CEP250: variants seen among roughly 807,000 people sequenced by gnomAD.
The protein encoded by CEP250 is centrosomal protein 250, also known as centrosome-associated protein CEP250.
CEP250 carries 242 observed loss-of-function variants against 315.7 expected under a neutral mutation model. The observed-to-expected ratio is 0.77, with a 90% confidence interval of 0.69 to 0.85. CEP250 has a LOEUF of 0.85. Among genes scored for constraint, CEP250 ranks in the 40% least tolerant of loss-of-function variants. CEP250 has a pLI of 0.00. For missense variants in CEP250, 2,515 were observed against 2,886.4 expected, an observed-to-expected ratio of 0.87 and a Z score of 2.95; for synonymous variants, 1,088 against 1,175.0, an observed-to-expected ratio of 0.93 and a Z score of 1.51.
chr20:35,498,501 G>A, intron 26 of CEP250, 94 bp from the exon 27 acceptor site: 1 of 1,467,658 alleles, frequency 6.8e-7, no homozygotes, highest in Non-Finnish European at 9.2e-7. Flanking sequence ...CGGAGAGGAG[G>A]GACCAGTTGG....
At chr20:35,465,420 CAAAAAA>C (rs80078387) in intron 5 of CEP250, among the ~76,000 whole-genome samples, 7 of 59,088 alleles carry the variant, frequency 1.2e-4, no homozygotes, top group African/African-American at 3.6e-4. Context: ...ACTCTGTCTC[CAAAAAA>C]AAAAAAAAAA....
intron 22 of CEP250, 118 bp from the exon 23 acceptor site, chr20:35,493,311 T>G: frequency 1.1e-6 from 1 of 935,256 alleles, no homozygotes; most frequent in East Asian, 2.9e-5. Context: ...AGTGAGAAGG[T>G]GAGGTGGAAA....
rs2062914380 is a variant in CEP250, at chr20:35,467,478, G to A, written c.774G>A (p.Lys258=). 1 of 1,614,070 alleles carries A rather than the reference G, an allele frequency of 6.2e-7. No homozygotes were observed. Among genetic ancestry groups the A allele is most frequent in the African/African-American group, 1.3e-5 (1 of 74,920 alleles). Residue 258 remains lysine (K), a synonymous_variant, in exon 9 of 35, where the codon AAG becomes AAA. Coordinates refer to ENST00000397527, the MANE Select transcript of CEP250 (RefSeq NM_007186.6). The part of the protein sequence containing the change: ...LLLAKTQELE[K]EAHERSQELI... ...TAGCCAAGACCCAGGAGCTGGAGAA[G>A]GAAGCCCATGAAAGGAGCCAGGAGT...
Position 35,494,734 on chromosome 20 carries a change from T to C in CEP250, c.3167+77T>C, listed in dbSNP as rs557948646. Reference sequence around the variant, plus strand: ...CACTGTGATATTGACAGTTGTTTGCTCAGGCCACCTTGCCTTTCATGTCTG... The same window carrying C: ...CACTGTGATATTGACAGTTGTTTGCCCAGGCCACCTTGCCTTTCATGTCTG... On this transcript the variant is annotated intron_variant, in intron 24 of 34. Transcript: ENST00000397527. The C allele has an allele frequency of 5.4e-5, 84 of 1,543,972 alleles. 2 individuals carry two copies. In the South Asian group the frequency reaches 9.5e-4, roughly 18 times the overall value.
In CEP250 at chr20:35,504,732, C is replaced by T. The variant is rs1238491390; in HGVS notation, c.6363C>T (p.Asn2121=). 3.7e-6 allele frequency: 6 copies of T among 1,614,192 alleles called. No individual in the cohort carries two copies. The highest frequency in any genetic ancestry group is 3.4e-6 in the Non-Finnish European group (4 of 1,180,030). Residue 2121 remains asparagine, a synonymous_variant, in exon 30 of 35, where the codon AAC becomes AAT. Coordinates refer to ENST00000397527, the MANE Select transcript of CEP250 (RefSeq NM_007186.6). ...TGAGGGAGACCCAGCAAAGGAACAACCTGGAAGCCTTACCCCACAGCCACA... is the reference window on the plus strand; with the variant it reads ...TGAGGGAGACCCAGCAAAGGAACAATCTGGAAGCCTTACCCCACAGCCACA... ...LELRETQQRN[N]LEALPHSHKT...
chr20:35,509,553 C>A lies in CEP250; in HGVS notation c.7009-445C>A, dbSNP rs192976573. On this transcript the variant is annotated intron_variant, in intron 33 of 34. Transcript: ENST00000397527. The stretch of plus-strand genomic sequence containing the variant: ...CGTCTAGGTGAGGTATCCCTGCCAA[C>A]AGACACAGGCTTGCAGCCTGACAGG... 4.6e-5 allele frequency among the ~76,000 whole-genome samples: 7 copies of A among 152,344 alleles called. No homozygotes were observed. In the East Asian group the frequency reaches 1.4e-3, roughly 29 times the overall value.
At chr20:35,479,875 G>C in intron 19 of CEP250, 101 bp from the exon 20 acceptor site, 1 of 1,595,972 alleles carries the variant, frequency 6.3e-7, no homozygotes, top group Non-Finnish European at 8.6e-7. Flanking sequence ...GCAGGGTGCA[G>C]GGCCTCTGAG....
rs370536737 is a variant in CEP250, at chr20:35,504,089, A to G, written c.5720A>G (p.Gln1907Arg). The change falls in exon 30 of 35, where the codon CAG becomes CGG. Residue 1907 changes from glutamine (Q) to arginine (R), a missense_variant. Transcript: ENST00000397527. ...CAGGAGAAAGCTCTGTTGGCCCTCCAGCAGCAGTGTGCTGAGCAGGCACAG... is the reference window on the plus strand; with the variant it reads ...CAGGAGAAAGCTCTGTTGGCCCTCCGGCAGCAGTGTGCTGAGCAGGCACAG... ...REQEKALLAL[Q>R]QQCAEQAQEH... 1 of 1,609,562 alleles carries G rather than the reference A, an allele frequency of 6.2e-7. No individual in the cohort carries two copies. The highest frequency in any genetic ancestry group is 1.3e-5 in the African/African-American group (1 of 74,784).
intron 30 of CEP250, 74 bp from the exon 31 acceptor site, chr20:35,507,664 T>G: frequency 1.8e-6 from 2 of 1,136,332 alleles, no homozygotes; most frequent in Non-Finnish European, 2.6e-6. Flanking sequence ...TGAACCGCTG[T>G]TTGTGTGGAG....
intron 25 of CEP250, 146 bp downstream of exon 25, chr20:35,496,861 A>G: frequency 4.9e-6 from 4 of 815,160 alleles, no homozygotes; most frequent in Non-Finnish European, 7.3e-6. Context: ...ACACCCCTAC[A>G]GGAGGGGGAA....
At position 35,506,896 on chromosome 20, in the gene CEP250, G is replaced by T. The variant is rs1340971178; in HGVS notation, c.6637-842G>T. Among the ~76,000 whole-genome samples, 5 of 152,288 alleles carry T rather than the reference G, an allele frequency of 3.3e-5. No individual in the cohort carries two copies. In the East Asian group the frequency reaches 9.6e-4, roughly 29 times the overall value. ...GCCCATTCTTACAGGCACAGCAAAA[G>T]TAAGTTATGTAATTGGGCAGGAGGG... On this transcript the variant is annotated intron_variant, in intron 30 of 34. Transcript: ENST00000397527.
chr20:35,470,104 A>G, intron 10 of CEP250, 118 bp downstream of exon 10: 1 of 700,070 alleles, frequency 1.4e-6, no homozygotes, highest in Non-Finnish European at 2.5e-6. Flanking sequence ...CTCTAAAGCT[A>G]AAAAATAAAT....
chr20:35,503,820 G>A lies in CEP250; in HGVS notation c.5451G>A (p.Gln1817=), dbSNP rs755963175. 4.3e-6 allele frequency: 7 copies of A among 1,613,936 alleles called. No individual in the cohort carries two copies. Among genetic ancestry groups the A allele is most frequent in the Non-Finnish European group, 5.9e-6 (7 of 1,180,000 alleles). Residue 1817 remains glutamine, a synonymous_variant, in exon 30 of 35, where the codon CAG becomes CAA. Coordinates refer to ENST00000397527, the MANE Select transcript of CEP250 (RefSeq NM_007186.6). This position sits in a 1 kb window ranked among gnomAD's most constrained non-coding sequence, Gnocchi z 4.2. ...EAQRALAQRD[Q]ELEALQQEQQ... Reference sequence around the variant, plus strand: ...AGAGAGCCCTAGCCCAGAGGGACCAGGAACTGGAGGCTCTGCAGCAAGAAC... The same window carrying A: ...AGAGAGCCCTAGCCCAGAGGGACCAAGAACTGGAGGCTCTGCAGCAAGAAC...
chr20:35,489,500 G>T (rs1000225122), intron 20 of CEP250, among the ~76,000 whole-genome samples: 2 of 152,180 alleles, frequency 1.3e-5, no homozygotes, highest in Non-Finnish European at 2.9e-5. Context: ...TGACACTGTT[G>T]TTATCCCCAT....
chr20:35,502,262 AC>A (rs1820245366), intron 29 of CEP250, 127 bp from the exon 30 acceptor site: 9 of 791,700 alleles, frequency 1.1e-5, no homozygotes, highest in Non-Finnish European at 1.7e-5. Context: ...AGTGGAATAT[AC>A]CACCACTTTT....
chr20:35,492,322 G>A (rs923001506), intron 22 of CEP250, among the ~76,000 whole-genome samples: 2 of 152,146 alleles, frequency 1.3e-5, no homozygotes, highest in African/African-American at 2.4e-5. Flanking sequence ...GGGGAATGGG[G>A]TGGGGAATGG....
chr20:35,512,114 C>G lies in CEP250; in HGVS notation c.*488C>G. The G allele has an allele frequency of 1.2e-6, 1 of 868,762 alleles. No homozygotes were observed. The highest frequency in any genetic ancestry group is 1.4e-6 in the Non-Finnish European group (1 of 721,138). The allele number at this position is 868,762 out of a possible 1,614,324, so 53.8% of individuals were successfully genotyped here. A position where few individuals can be genotyped will look rare whatever the true frequency, so the allele number is the denominator to read the frequency against. On this transcript the variant is annotated 3_prime_UTR_variant, in exon 35 of 35. Transcript: ENST00000397527. ...CATGCACTGTGATAGGGAAGGGTTA[C>G]AGAGAACACACAAGACAAAGCCCCT...
In CEP250 at chr20:35,503,921, A is replaced by G. The variant is rs758968376; in HGVS notation, c.5552A>G (p.His1851Arg). 3.7e-6 allele frequency: 6 copies of G among 1,613,942 alleles called. No homozygotes were observed. In the South Asian group the frequency reaches 6.6e-5, roughly 18 times the overall value. The change falls in exon 30 of 35, where the codon CAT becomes CGT. Residue 1851 changes from histidine to arginine, a missense_variant. Coordinates refer to ENST00000397527, the MANE Select transcript of CEP250 (RefSeq NM_007186.6). The surrounding 1 kb of genome is among the most constrained non-coding windows in gnomAD (Gnocchi z 4.2). Reference sequence around the variant, plus strand: ...CTCCAGGGAGCTCTGGAGCAAGCCCATATGACACTGAAGGAGCGTCATGGA... The same window carrying G: ...CTCCAGGGAGCTCTGGAGCAAGCCCGTATGACACTGAAGGAGCGTCATGGA... ...DALQGALEQAHMTLKERHGEL... is the reference protein window; with the variant it reads ...DALQGALEQARMTLKERHGEL...
intron 3 of CEP250, among the ~76,000 whole-genome samples, chr20:35,461,070 T>A (rs931480687): frequency 1.3e-5 from 2 of 152,216 alleles, no homozygotes; most frequent in Non-Finnish European, 2.9e-5. Context: ...AGCCAGGATG[T>A]GGGAAATCAA....
Sources: allele counts gnomAD v4.1 joint callset (sites outside exome capture counted in the v4.1 genomes callset), GRCh38; gene constraint gnomAD v4.1.1; non-coding constraint Gnocchi (gnomAD v3.1); transcripts MANE v1.5; gene names NCBI Gene and HGNC (gene_info 2026-07-23, HGNC 2026-07-21).